Variants in MAML1 observed in about 807,000 individuals in gnomAD.
MAML1 encodes mastermind-like protein 1.
MAML1 carries 14 observed loss-of-function variants against 77.1 expected under a neutral mutation model. The observed-to-expected ratio is 0.18, with a 90% CI of 0.12 to 0.28. The LOEUF is 0.28. Ranked by LOEUF, MAML1 falls within the 10% of genes least tolerant of loss-of-function variation. MAML1 has a pLI of 1.00. For synonymous variants in MAML1, 516 were observed against 551.9 expected, an observed-to-expected ratio of 0.93 and a Z score of 0.91; for missense variants, 1,217 against 1,327.8, an observed-to-expected ratio of 0.92 and a Z score of 1.30.
rs1223630897 is a variant in MAML1, at chr5:179,771,292, G to A, written c.2068+49G>A. The A allele has an allele frequency of 3.3e-6, 5 of 1,512,880 alleles. No homozygotes were observed. The highest frequency in any genetic ancestry group is 4.6e-6 in the Non-Finnish European group (5 of 1,088,224). The allele number at this position is 1,512,880 out of a possible 1,614,324, so 93.7% of individuals were successfully genotyped here. On this transcript the variant is annotated intron_variant, in intron 4 of 4. Coordinates refer to ENST00000292599, the MANE Select transcript of MAML1 (RefSeq NM_014757.5). The surrounding 1 kb of genome is among the most constrained non-coding windows in gnomAD (Gnocchi z 4.7). ...CAGGGACAGGGGAGGCCGCTGCCTG[G>A]TGCTGGTTGAATCCCTGCTGTCTGC...
At chr5:179,773,515 G>A (rs1053205902) in intron 4 of MAML1, among the ~76,000 whole-genome samples, 7 of 138,088 alleles carry the variant, frequency 5.1e-5, no homozygotes, top group East Asian at 3.9e-4. Context: ...GCCCCATCGC[G>A]CCCCATTGCG....
intron 1 of MAML1, among the ~76,000 whole-genome samples, chr5:179,745,418 A>G (rs1237238067): frequency 6.6e-6 from 1 of 151,902 alleles, no homozygotes; most frequent in Non-Finnish European, 1.5e-5. Flanking sequence ...AATAAACTAT[A>G]AAGGAAAGTA....
chr5:179,770,275 C>T (rs1221727040), intron 3 of MAML1, among the ~76,000 whole-genome samples: 2 of 152,056 alleles, frequency 1.3e-5, no homozygotes, highest in African/African-American at 2.4e-5. Context: ...AGTGAAACCC[C>T]GTCTCTACTA....
At chr5:179,743,995 T>C (rs924416148) in intron 1 of MAML1, among the ~76,000 whole-genome samples, 1 of 152,210 alleles carries the variant, frequency 6.6e-6, no homozygotes, top group Non-Finnish European at 1.5e-5. Context: ...ATCTTAGCGA[T>C]ATGCTATCTT....
intron 4 of MAML1, among the ~76,000 whole-genome samples, chr5:179,773,057 G>T (rs1209786468): frequency 6.6e-6 from 1 of 152,168 alleles, no homozygotes; most frequent in Non-Finnish European, 1.5e-5. Flanking sequence ...GCTAATTTTT[G>T]TATTTTTAGT....
At chr5:179,734,878 C>T (rs1779136100) in intron 1 of MAML1, among the ~76,000 whole-genome samples, 2 of 152,268 alleles carry the variant, frequency 1.3e-5, no homozygotes, top group South Asian at 4.1e-4. Flanking sequence ...CACTATATTG[C>T]CTAGGCTGGT....
chr5:179,734,765 G>A (rs994499093), intron 1 of MAML1, among the ~76,000 whole-genome samples: 1 of 151,956 alleles, frequency 6.6e-6, no homozygotes, highest in Non-Finnish European at 1.5e-5. Context: ...AGCCTCCTCA[G>A]TCCTCCCGCC....
rs1755933513 is a variant in MAML1 at position 179,769,596 on chromosome 5, AG to A, written c.1971+509del. On this transcript the variant is annotated intron_variant, in intron 3 of 4. Coordinates refer to ENST00000292599, the MANE Select transcript of MAML1 (RefSeq NM_014757.5). This position sits in a 1 kb window ranked among gnomAD's most constrained non-coding sequence, Gnocchi z 4.2. ...TGGAGACAGAGTCTTGCTGTCACCCAGGCTGGACTGCAGTGGTGCGATCTTG... is the reference window on the plus strand; with the variant it reads ...TGGAGACAGAGTCTTGCTGTCACCCAGCTGGACTGCAGTGGTGCGATCTTG... 6.6e-6 allele frequency among the ~76,000 whole-genome samples: 1 copy of A among 151,824 alleles called. No individual in the cohort carries two copies. Among genetic ancestry groups the A allele is most frequent in the African/African-American group, 2.4e-5 (1 of 41,326 alleles).
intron 1 of MAML1, among the ~76,000 whole-genome samples, chr5:179,743,458 C>T (rs6601072): frequency 0.23 from 33,890 of 147,836 alleles, 4,445 homozygotes; most frequent in Non-Finnish European, 0.3. Flanking sequence ...GCTCCACCTC[C>T]CAGGTTCACG....
At chr5:179,748,955 T>G (rs1470680134) in intron 1 of MAML1, among the ~76,000 whole-genome samples, 1 of 113,986 alleles carries the variant, frequency 8.8e-6, no homozygotes, top group Non-Finnish European at 2.0e-5. Context: ...TTTTTGTTTT[T>G]TTTTTTTTTG....
Position 179,776,730 on chromosome 5 carries a change from C to T in MAML1, c.*1853C>T, listed in dbSNP as rs1471148666. On this transcript the variant is annotated 3_prime_UTR_variant, in exon 5 of 5. Coordinates refer to ENST00000292599, the MANE Select transcript of MAML1 (RefSeq NM_014757.5). The stretch of plus-strand genomic sequence containing the variant: ...GTCTCCCACCCCTGTCCCCGGGGCT[C>T]GCTGGCCCTGCACTCCGCCTTAGTC... 21 of 985,818 alleles carry T rather than the reference C, an allele frequency of 2.1e-5. No homozygotes were observed. Among genetic ancestry groups the T allele is most frequent in the Non-Finnish European group, 2.4e-5 (20 of 830,022 alleles). 61.1% of individuals were successfully genotyped at this position (985,818 alleles called of 1,614,324 possible). A position where few individuals can be genotyped will look rare whatever the true frequency, so the allele number is the denominator to read the frequency against.
In MAML1 at chr5:179,774,213, C is replaced by T. The variant is rs143455129; in HGVS notation, c.2387C>T (p.Ala796Val). 1.5e-4 allele frequency: 248 copies of T among 1,613,514 alleles called. No individual in the cohort carries two copies. The African/African-American group carries it at 3.0e-3, about 20-fold the overall frequency. The change falls in exon 5 of 5, where the codon GCC becomes GTC. Residue 796 changes from alanine to valine, a missense_variant. By Grantham distance (64) the Ala-to-Val change is moderately conservative (BLOSUM62 0). Around this residue, in one of 3 missense-constraint regions of MAML1, gnomAD observed 884 missense variants for 949.3 expected, o/e 0.93. Transcript: ENST00000292599. The stretch of plus-strand genomic sequence containing the variant: ...GGCCAGAACACCTCCGTCTCAGCTG[C>T]CTATGGGCAGAACTCTCTGGGAAGC... ...NVGQNTSVSAAYGQNSLGSSG... is the reference protein window; with the variant it reads ...NVGQNTSVSAVYGQNSLGSSG...
At chr5:179,734,287 G>A (rs1245365355) in intron 1 of MAML1, among the ~76,000 whole-genome samples, 1 of 152,000 alleles carries the variant, frequency 6.6e-6, no homozygotes, top group East Asian at 1.9e-4. Context: ...CTCTCACCTG[G>A]GCTATTGCAG....
intron 1 of MAML1, among the ~76,000 whole-genome samples, chr5:179,752,854 A>G (rs1043493271): frequency 6.6e-6 from 1 of 152,084 alleles, no homozygotes; most frequent in Non-Finnish European, 1.5e-5. Flanking sequence ...GCTCACCGCA[A>G]CCACCATCTT....
rs1455675294 is a variant in MAML1 at position 179,770,299 on chromosome 5, T to G, written c.1972-848T>G. ...CCGTCTCTACTAAAAATACAAAAAATTAGCCAAGTGTGGTGACGGGCGCCT... is the reference window on the plus strand; with the variant it reads ...CCGTCTCTACTAAAAATACAAAAAAGTAGCCAAGTGTGGTGACGGGCGCCT... On this transcript the variant is annotated intron_variant, in intron 3 of 4. Coordinates refer to ENST00000292599, the MANE Select transcript of MAML1 (RefSeq NM_014757.5). 5.3e-5 allele frequency among the ~76,000 whole-genome samples: 8 copies of G among 152,174 alleles called. 1 individual carries two copies. Among genetic ancestry groups the G allele is most frequent in the Middle Eastern group, 3.4e-3 (1 of 294 alleles).
intron 1 of MAML1, among the ~76,000 whole-genome samples, chr5:179,752,340 A>ATAT (rs1413175645): frequency 0.018 from 943 of 53,312 alleles, 20 homozygotes; most frequent in East Asian, 0.08. Context: ...AAAAAAAAAA[A>ATAT]AAAAAAAAAA....
In MAML1 at chr5:179,765,311, T is replaced by C; in HGVS notation, c.316-15T>C. 6.4e-7 allele frequency: 1 copy of C among 1,565,272 alleles called. No homozygotes were observed. Among genetic ancestry groups the C allele is most frequent in the South Asian group, 1.2e-5 (1 of 82,934 alleles). On this transcript the variant is annotated splice_polypyrimidine_tract_variant and intron_variant, in intron 1 of 4. Coordinates refer to ENST00000292599, the MANE Select transcript of MAML1 (RefSeq NM_014757.5). ...TTCATATGTATCTTAAGTCATTCTTTTCAATGTTTTTCAGCATCTTCATGA... is the reference window on the plus strand; with the variant it reads ...TTCATATGTATCTTAAGTCATTCTTCTCAATGTTTTTCAGCATCTTCATGA...
chr5:179,753,651 A>ATTTTTTTTTTT (rs372124056), intron 1 of MAML1, among the ~76,000 whole-genome samples: 42 of 66,364 alleles, frequency 6.3e-4, no homozygotes, highest in South Asian at 2.1e-3. Flanking sequence ...TATTATTATT[A>ATTTTTTTTTTT]TTATTTTTTT....
At position 179,775,376 on chromosome 5, in the gene MAML1, T is replaced by C. The variant is rs934013117; in HGVS notation, c.*499T>C. 1.8e-5 allele frequency: 18 copies of C among 985,116 alleles called. No individual in the cohort carries two copies. Among genetic ancestry groups the C allele is most frequent in the African/African-American group, 3.5e-5 (2 of 57,254 alleles). 61.0% of individuals were successfully genotyped at this position (985,116 alleles called of 1,614,324 possible). A position where few individuals can be genotyped will look rare whatever the true frequency, so the allele number is the denominator to read the frequency against. ...TTTTTAAACAGATTAGGGTAGGTGA[T>C]GGTTTAAATCAATTAAGTGGCATTG... On this transcript the variant is annotated 3_prime_UTR_variant, in exon 5 of 5. Transcript: ENST00000292599.
Sources: allele counts gnomAD v4.1 joint callset (sites outside exome capture counted in the v4.1 genomes callset), GRCh38; gene constraint gnomAD v4.1.1; regional missense constraint gnomAD v4.1.1; non-coding constraint Gnocchi (gnomAD v3.1); transcripts MANE v1.5; gene names NCBI Gene and HGNC (gene_info 2026-07-23, HGNC 2026-07-21).